The following EPG5 variants were observed in gnomAD, a reference collection of about 807,000 sequenced individuals.
The protein encoded by EPG5 is ectopic P granules protein 5 homolog.
In EPG5, 159 loss-of-function variants were observed where a neutral mutation model predicts 302.7. The observed-to-expected ratio is 0.53, with a 90% CI of 0.46 to 0.60. The LOEUF is 0.60. Among genes scored for constraint, EPG5 ranks in the 20% least tolerant of loss-of-function variants. The pLI is 0.00. For synonymous variants in EPG5, 1,158 were observed against 1,136.8 expected (o/e 1.02, Z -0.37); for missense variants, 2,896 against 3,092.4 (o/e 0.94, Z 1.51).
In EPG5 at chr18:45,948,068, C is replaced by T. The variant is rs571933279; in HGVS notation, c.1571+435G>A. Among the ~76,000 whole-genome samples the T allele has an allele frequency of 3.0e-4, 45 of 152,304 alleles. No individual in the cohort carries two copies. The South Asian group carries it at 8.7e-3, about 29-fold the overall frequency. On this transcript the variant is annotated intron_variant, in intron 6 of 43. Coordinates refer to ENST00000282041, the MANE Select transcript of EPG5 (RefSeq NM_020964.3). Reference sequence around the variant, plus strand: ...GGGATTACAGGTGTGAGCCACCATGCCCAGTCCAATCCATTCTTCAAACAC... The same window carrying T: ...GGGATTACAGGTGTGAGCCACCATGTCCAGTCCAATCCATTCTTCAAACAC...
chr18:45,897,034 G>A (rs929742129), intron 27 of EPG5, among the ~76,000 whole-genome samples: 7 of 152,198 alleles, frequency 4.6e-5, no homozygotes, highest in Non-Finnish European at 8.8e-5. Context: ...AAAAGATTAT[G>A]TTTAAAATCT....
chr18:45,883,692 C>A (rs1278235884), intron 30 of EPG5, among the ~76,000 whole-genome samples: 1 of 135,216 alleles, frequency 7.4e-6, no homozygotes, highest in Admixed American at 8.1e-5. Flanking sequence ...TTCCTACGCT[C>A]AAGCAATCTT....
chr18:45,927,328 T>C (rs1486544936), intron 13 of EPG5, among the ~76,000 whole-genome samples: 1 of 152,204 alleles, frequency 6.6e-6, no homozygotes, highest in Non-Finnish European at 1.5e-5. Context: ...CGTAAGCCAC[T>C]GTGCCCAGCC....
chr18:45,912,355 G>T lies in EPG5; in HGVS notation c.3918C>A (p.Pro1306=). ...HQALVTPSDH[P]LLPLIWQKFF... ...ACTTCTGCCAAATGAGTGGCAGGAG[G>T]GGGTGATCAGAAGGTGTGACCAGAG... Residue 1306 remains proline (P), a synonymous_variant, in exon 22 of 44, where the codon CCC becomes CCA. Coordinates refer to ENST00000282041, the MANE Select transcript of EPG5 (RefSeq NM_020964.3). 1.9e-6 allele frequency: 3 copies of T among 1,611,642 alleles called. No homozygotes were observed. Among genetic ancestry groups the T allele is most frequent in the South Asian group, 2.2e-5 (2 of 90,602 alleles).
the EPG5 span, among the ~76,000 whole-genome samples, chr18:45,833,663 C>G: frequency 6.6e-6 from 1 of 152,120 alleles, no homozygotes; most frequent in Non-Finnish European, 1.5e-5. Context: ...TATATCCTGA[C>G]GTACAGATTT....
At chr18:45,935,860 A>G (rs1352726476) in intron 10 of EPG5, among the ~76,000 whole-genome samples, 1 of 152,000 alleles carries the variant, frequency 6.6e-6, no homozygotes, top group Admixed American at 6.6e-5. Context: ...TTCAGTTACC[A>G]CTGCATTCCA....
chr18:45,929,207 G>A (rs923605526), intron 12 of EPG5, among the ~76,000 whole-genome samples, 198 bp from the exon 13 acceptor site: 1 of 152,208 alleles, frequency 6.6e-6, no homozygotes, highest in Non-Finnish European at 1.5e-5. Context: ...AGGAATATAA[G>A]AGAATGGCAA....
Position 45,955,097 on chromosome 18 carries a change from G to A in EPG5, c.305C>T (p.Pro102Leu). The change falls in exon 2 of 44, where the codon CCC becomes CTC. Residue 102 changes from proline to leucine, a missense_variant. By Grantham distance (98) the Pro-to-Leu change is moderately conservative. Around this residue, in one of 5 missense-constraint regions of EPG5, gnomAD observed 1,390 missense variants for 1,430.0 expected, o/e 0.97. Transcript: ENST00000282041. The stretch of plus-strand genomic sequence containing the variant: ...TCTGGCCTCTCCCCCTTCCTTTGGG[G>A]GCTCTGTGTTACACGTCAGGGACTC... ...NEESLTCNTE[P>L]PKEGGEARPC... is the part of the protein sequence containing the mutation. 1.2e-6 allele frequency: 2 copies of A among 1,613,876 alleles called. No individual in the cohort carries two copies. Among genetic ancestry groups the A allele is most frequent in the Non-Finnish European group, 1.7e-6 (2 of 1,179,908 alleles).
chr18:45,927,776 T>A (rs750211446), intron 13 of EPG5, among the ~76,000 whole-genome samples: 2 of 152,114 alleles, frequency 1.3e-5, no homozygotes, highest in Non-Finnish European at 2.9e-5. Context: ...TAATATGAAA[T>A]GTCTGAAATA....
chr18:45,883,608 C>T, intron 30 of EPG5, among the ~76,000 whole-genome samples: 1 of 143,410 alleles, frequency 7.0e-6, no homozygotes, highest in African/African-American at 2.6e-5. Context: ...GTACCACTAG[C>T]CTGGTGTTTT....
At chr18:45,858,226 C>T (rs1298356507) in intron 41 of EPG5, among the ~76,000 whole-genome samples, 158 bp from the exon 42 acceptor site, 1 of 152,202 alleles carries the variant, frequency 6.6e-6, no homozygotes, top group Non-Finnish European at 1.5e-5. Flanking sequence ...ATTGTAACCA[C>T]CGCCATCTGT....
At chr18:45,904,866 C>A (rs933333252) in intron 24 of EPG5, among the ~76,000 whole-genome samples, 4 of 152,030 alleles carry the variant, frequency 2.6e-5, no homozygotes, top group East Asian at 1.9e-4. Context: ...TTATCCCTAT[C>A]TTTTAAAATC....
rs754417895 is a variant in EPG5, at chr18:45,939,745, C to T, written c.1954G>A (p.Gly652Ser). The T allele has an allele frequency of 3.7e-6, 6 of 1,613,576 alleles. No individual in the cohort carries two copies. In the South Asian group the frequency reaches 6.6e-5, roughly 18 times the overall value. The change falls in exon 10 of 44, where the codon GGT (glycine) becomes AGT (serine). Residue 652 changes from glycine to serine, a missense_variant. This residue lies in a region of EPG5 where 1,390 missense variants were observed against 1,430.0 expected (regional missense o/e 0.97). Coordinates refer to ENST00000282041, the MANE Select transcript of EPG5 (RefSeq NM_020964.3). ...RIGYMIRMTL[G>S]YVSDHWAQYV... ...TGTGCCCAATGGTCACTTACATAACCAAGAGTCATCCTGAGCATGAGGAAA... is the reference window on the plus strand; with the variant it reads ...TGTGCCCAATGGTCACTTACATAACTAAGAGTCATCCTGAGCATGAGGAAA...
intron 1 of EPG5, among the ~76,000 whole-genome samples, chr18:45,959,658 CTAAATAAATAAATAAA>C (rs34272674): frequency 5.7e-5 from 8 of 140,874 alleles, no homozygotes; most frequent in Admixed American, 7.2e-5. Context: ...GAGACTGTCT[CTAAATAAATAAATAAA>C]TAAATAAATA....
At chr18:45,817,900 G>A in the EPG5 span, among the ~76,000 whole-genome samples, 1 of 152,184 alleles carries the variant, frequency 6.6e-6, no homozygotes, top group Non-Finnish European at 1.5e-5. Flanking sequence ...AAGAAGGAAG[G>A]AGTATACTTG....
At chr18:45,912,171 C>T in intron 22 of EPG5, 119 bp downstream of exon 22, 1 of 929,446 alleles carries the variant, frequency 1.1e-6, no homozygotes, top group Non-Finnish European at 1.5e-6. Context: ...AAAGAGTCCT[C>T]ACCAGAGATC....
chr18:45,840,400 C>G, the EPG5 span, among the ~76,000 whole-genome samples: 1 of 152,128 alleles, frequency 6.6e-6, no homozygotes. Flanking sequence ...CAAGGCACCC[C>G]TCTTGCAGCC....
the EPG5 span, chr18:45,825,552 GGCT>G: frequency 1.6e-6 from 1 of 623,900 alleles, no homozygotes; most frequent in Non-Finnish European, 2.9e-6. Context: ...TCAGACCTCA[GGCT>G]GCCAGGCTTC....
chr18:45,945,529 T>A (rs2050768751), intron 7 of EPG5, among the ~76,000 whole-genome samples: 1 of 152,192 alleles, frequency 6.6e-6, no homozygotes, highest in African/African-American at 2.4e-5. Flanking sequence ...CAGGGTGAGA[T>A]AATTAATCAA....
Sources: allele counts gnomAD v4.1 joint callset (sites outside exome capture counted in the v4.1 genomes callset), GRCh38; gene constraint gnomAD v4.1.1; regional missense constraint gnomAD v4.1.1; transcripts MANE v1.5; gene names NCBI Gene and HGNC (gene_info 2026-07-23, HGNC 2026-07-21).